Variants in FTO observed in about 807,000 individuals in gnomAD.
The protein encoded by FTO is FTO alpha-ketoglutarate dependent dioxygenase.
A neutral mutation model predicts 63.9 loss-of-function variants in FTO; 47 were observed. The ratio of observed to expected loss-of-function variants is 0.74; its 90% confidence interval spans 0.58 to 0.94. The LOEUF (loss-of-function observed/expected upper bound fraction) is 0.94. Among genes scored for constraint, FTO ranks in the 40% least tolerant of loss-of-function variants. The pLI, the probability that FTO is intolerant of heterozygous loss-of-function variation, is 0.00. For missense variants in FTO, 562 were observed against 618.1 expected (o/e 0.91, Z 0.96); for synonymous variants, 207 against 224.4 (o/e 0.92, Z 0.69).
intron 7 of FTO, among the ~76,000 whole-genome samples, chr16:53,926,263 C>T (rs919144906): frequency 3.3e-5 from 5 of 152,260 alleles, no homozygotes; most frequent in Admixed American, 2.6e-4. Context: ...TTTCCGACCC[C>T]GTTCTTAGAC....
intron 8 of FTO, among the ~76,000 whole-genome samples, chr16:53,957,830 C>A (rs2082965443): frequency 6.6e-6 from 1 of 152,134 alleles, no homozygotes; most frequent in Admixed American, 6.5e-5. Context: ...TTTTAAAGTA[C>A]CTTCTTTTTG....
At chr16:54,013,185 C>T (rs1188221408) in intron 8 of FTO, among the ~76,000 whole-genome samples, 2 of 152,132 alleles carry the variant, frequency 1.3e-5, no homozygotes, top group Admixed American at 1.3e-4. Flanking sequence ...TTCCAACCCT[C>T]ACGGATGACT....
At chr16:53,723,292 T>C (rs1206852443) in intron 1 of FTO, among the ~76,000 whole-genome samples, 2 of 152,238 alleles carry the variant, frequency 1.3e-5, no homozygotes, top group Admixed American at 6.5e-5. Context: ...AATAGCTCTT[T>C]ATGCTCCCAT....
At chr16:53,777,552 T>G (rs1320200601) in intron 1 of FTO, among the ~76,000 whole-genome samples, 6 of 152,222 alleles carry the variant, frequency 3.9e-5, no homozygotes, top group Admixed American at 6.5e-5. Context: ...CAAATGATTT[T>G]GTAACATTAC....
chr16:53,828,381 G>A (rs370153166), intron 3 of FTO, among the ~76,000 whole-genome samples: 3 of 152,116 alleles, frequency 2.0e-5, no homozygotes, highest in East Asian at 1.9e-4. Flanking sequence ...CACCACGCCC[G>A]GCTAATTTTT....
intron 8 of FTO, chr16:53,991,325 C>G (rs1161165983): frequency 6.6e-6 from 1 of 152,248 alleles, no homozygotes; most frequent in Non-Finnish European, 1.5e-5. Context: ...TTAAGCTGCT[C>G]TTGCTGGTGT....
intron 8 of FTO, among the ~76,000 whole-genome samples, chr16:53,987,347 G>A (rs948073466): frequency 2.0e-5 from 3 of 152,040 alleles, no homozygotes; most frequent in Non-Finnish European, 2.9e-5. Flanking sequence ...TTGGGAGGCC[G>A]AGACAGGTGG....
At chr16:54,059,162 G>C (rs2085511868) in intron 8 of FTO, among the ~76,000 whole-genome samples, 1 of 152,194 alleles carries the variant, frequency 6.6e-6, no homozygotes, top group South Asian at 2.1e-4. Flanking sequence ...CTGGGCCACA[G>C]TGGCTGTGTT....
At chr16:54,009,174 G>A (rs898438125) in intron 8 of FTO, among the ~76,000 whole-genome samples, 11 of 152,208 alleles carry the variant, frequency 7.2e-5, no homozygotes, top group Admixed American at 6.5e-4. Flanking sequence ...AAATGCCATG[G>A]AATGCAACAG....
At chr16:53,913,305 A>C (rs2081762805) in intron 7 of FTO, among the ~76,000 whole-genome samples, 1 of 152,198 alleles carries the variant, frequency 6.6e-6, no homozygotes, top group African/African-American at 2.4e-5. Flanking sequence ...TGATGAATAA[A>C]AGTTTGGTGT....
chr16:54,041,303 C>G (rs1318434299), intron 8 of FTO, among the ~76,000 whole-genome samples: 1 of 152,084 alleles, frequency 6.6e-6, no homozygotes, highest in Non-Finnish European at 1.5e-5. Flanking sequence ...TTTAAACCAT[C>G]AGATCTCGTG....
intron 8 of FTO, among the ~76,000 whole-genome samples, chr16:53,986,683 T>A (rs2083675725): frequency 6.6e-6 from 1 of 152,252 alleles, no homozygotes; most frequent in Admixed American, 6.5e-5. Context: ...TGCTATATAA[T>A]CTCTAGTAGA....
At chr16:53,840,893 G>A (rs2079454651) in intron 3 of FTO, among the ~76,000 whole-genome samples, 1 of 151,752 alleles carries the variant, frequency 6.6e-6, no homozygotes, top group South Asian at 2.1e-4. Context: ...CTGGGAATTT[G>A]GATTTTTAGG....
At chr16:53,936,095 G>T (rs1314639949) in intron 8 of FTO, among the ~76,000 whole-genome samples, 1 of 152,216 alleles carries the variant, frequency 6.6e-6, no homozygotes, top group Non-Finnish European at 1.5e-5. Context: ...AAAGTGGCCT[G>T]TTTAAAAGGA....
At chr16:53,861,471 T>G (rs2080172023) in intron 4 of FTO, among the ~76,000 whole-genome samples, 1 of 152,202 alleles carries the variant, frequency 6.6e-6, no homozygotes, top group South Asian at 2.1e-4. Context: ...CTTTCTGTTA[T>G]TCATTGGCTG....
intron 1 of FTO, among the ~76,000 whole-genome samples, chr16:53,789,704 G>A (rs1382312087): frequency 1.3e-5 from 2 of 150,368 alleles, no homozygotes; most frequent in Non-Finnish European, 3.0e-5. Context: ...TTTTGTTTCT[G>A]TTTTTGTTTT....
chr16:54,081,773 A>G (rs1315265715), intron 8 of FTO, among the ~76,000 whole-genome samples: 1 of 152,194 alleles, frequency 6.6e-6, no homozygotes, highest in African/African-American at 2.4e-5. Flanking sequence ...AGGATGGGCC[A>G]TTATTTAAAT....
chr16:53,826,288 C>T lies in FTO; in HGVS notation c.548C>T (p.Ser183Leu). The change falls in exon 3 of 9, where the codon TCA (serine) becomes TTA (leucine). Residue 183 changes from serine (S) to leucine (L), a missense_variant. Transcript: ENST00000471389. Reference sequence around the variant, plus strand: ...GATTTCCCCAGGGTTGGGATGGGTTCATCCTACAACGGACAAGATGAAGTG... The same window carrying T: ...GATTTCCCCAGGGTTGGGATGGGTTTATCCTACAACGGACAAGATGAAGTG... ...SADFPRVGMG[S>L]SYNGQDEVDI... 1 of 1,614,210 alleles carries T rather than the reference C, an allele frequency of 6.2e-7. No individual in the cohort carries two copies. The highest frequency in any genetic ancestry group is 8.5e-7 in the Non-Finnish European group (1 of 1,180,020).
intron 1 of FTO, among the ~76,000 whole-genome samples, chr16:53,799,103 T>A (rs1344986030): frequency 1.3e-5 from 2 of 152,322 alleles, no homozygotes; most frequent in Non-Finnish European, 2.9e-5. Flanking sequence ...GTCCTTTTTA[T>A]GTGTTGTTGG....
Sources: allele counts gnomAD v4.1 joint callset (sites outside exome capture counted in the v4.1 genomes callset), GRCh38; gene constraint gnomAD v4.1.1; transcripts MANE v1.5; gene names NCBI Gene and HGNC (gene_info 2026-07-23, HGNC 2026-07-21).